Variants in CPNE1 observed in about 807,000 individuals in gnomAD.
CPNE1 encodes copine-1.
A neutral mutation model predicts 63.2 loss-of-function variants in CPNE1; 58 were observed. That is an observed-to-expected ratio of 0.92 (90% CI 0.74 to 1.14). The LOEUF (loss-of-function observed/expected upper bound fraction) is 1.14, where lower values mean the gene tolerates loss of function less well. Among genes scored for constraint, CPNE1 ranks in the 50% most tolerant of loss-of-function variants. The pLI, the probability that CPNE1 is intolerant of heterozygous loss-of-function variation, is 0.00. For missense variants in CPNE1, 672 were observed against 661.7 expected (o/e 1.02, Z -0.17); for synonymous variants, 237 against 249.0 (o/e 0.95, Z 0.45).
At position 35,627,417 on chromosome 20, in the gene CPNE1, C is replaced by A; in HGVS notation, c.1103-4G>T. 1 of 1,613,666 alleles carries A rather than the reference C, an allele frequency of 6.2e-7. No homozygotes were observed. The highest frequency in any genetic ancestry group is 8.5e-7 in the Non-Finnish European group (1 of 1,179,868). ...GCATCCACAATGCCCTGGATGCCTG[C>A]AGAGGAGAGCAAGAAATACCGTAAA... On this transcript the variant is annotated splice_region_variant and splice_polypyrimidine_tract_variant and intron_variant, in intron 13 of 15. Coordinates refer to ENST00000397443, the MANE Select transcript of CPNE1 (RefSeq NM_152925.3).
chr20:35,630,531 T>C, intron 12 of CPNE1, 41 bp from the exon 13 acceptor site: 1 of 1,606,418 alleles, frequency 6.2e-7, no homozygotes, highest in Non-Finnish European at 8.5e-7. Flanking sequence ...CCCCATGACC[T>C]CTGCTAAGAA....
intron 12 of CPNE1, 108 bp from the exon 13 acceptor site, chr20:35,630,598 A>C: frequency 6.9e-7 from 1 of 1,452,094 alleles, no homozygotes; most frequent in Non-Finnish European, 9.7e-7. Context: ...AGTCCTGAGC[A>C]CTTGCTGTCT....
chr20:35,626,623 C>G lies in CPNE1; in HGVS notation c.1417G>C (p.Gly473Arg). ...ACAATGTCGCGGGCAGCAGCCTGCCCAGAACGTGTATGCAGGGGTCCACCA... is the reference window on the plus strand; with the variant it reads ...ACAATGTCGCGGGCAGCAGCCTGCCGAGAACGTGTATGCAGGGGTCCACCA... ...ADGGPLHTRS[G>R]QAAARDIVQF... Residue 473 changes from glycine to arginine, a missense_variant, in exon 15 of 16, where the codon GGG (glycine) becomes CGG (arginine). Transcript: ENST00000397443. The G allele has an allele frequency of 6.2e-7, 1 of 1,614,180 alleles. No homozygotes were observed. Among genetic ancestry groups the G allele is most frequent in the Non-Finnish European group, 8.5e-7 (1 of 1,180,044 alleles).
At chr20:35,660,042 A>AT (rs532531461) in intron 1 of CPNE1, among the ~76,000 whole-genome samples, 115 of 152,310 alleles carry the variant, frequency 7.6e-4, no homozygotes, top group African/African-American at 2.6e-3. Context: ...AATCTGTGTG[A>AT]TTTTCTAAAG....
At chr20:35,646,826 T>C (rs2033132038) in intron 1 of CPNE1, among the ~76,000 whole-genome samples, 1 of 152,096 alleles carries the variant, frequency 6.6e-6, no homozygotes, top group Non-Finnish European at 1.5e-5. Flanking sequence ...CACAACGAAA[T>C]AGTCATCTCC....
intron 1 of CPNE1, among the ~76,000 whole-genome samples, chr20:35,658,296 A>G (rs2034022858): frequency 6.6e-6 from 1 of 152,190 alleles, no homozygotes; most frequent in Admixed American, 6.5e-5. Flanking sequence ...AAACATATCA[A>G]TAACAAGCAT....
At position 35,634,185 on chromosome 20, in the gene CPNE1, C is replaced by T. The variant is rs549758077; in HGVS notation, c.1-1262G>A. On this transcript the variant is annotated intron_variant, in intron 1 of 15. Coordinates refer to ENST00000397443, the MANE Select transcript of CPNE1 (RefSeq NM_152925.3). ...CTGAGGCAGGAGAATGGCGTGAATC[C>T]GGGAGGCAGAGCTTGCAGTGAGCCG... Among the ~76,000 whole-genome samples, 9 of 144,360 alleles carry T rather than the reference C, an allele frequency of 6.2e-5. No individual in the cohort carries two copies. In the East Asian group the frequency reaches 8.2e-4, roughly 13 times the overall value. 94.7% of individuals were successfully genotyped at this position (144,360 alleles called of 152,430 possible).
At chr20:35,650,583 T>C (rs533401528) in intron 1 of CPNE1, 3 of 152,738 alleles carry the variant, frequency 2.0e-5, no homozygotes, top group South Asian at 2.1e-4. Flanking sequence ...GCTTTTGAAA[T>C]TGAGGAGGCA....
At chr20:35,652,515 T>G (rs1367450800) in intron 1 of CPNE1, 1 of 1,600,982 alleles carries the variant, frequency 6.2e-7, no homozygotes, top group South Asian at 1.1e-5. Context: ...TAAAAAATGA[T>G]GTGAATGGCT....
chr20:35,626,953 TA>T, intron 14 of CPNE1, 150 bp from the exon 15 acceptor site: 1 of 714,024 alleles, frequency 1.4e-6, no homozygotes, highest in Non-Finnish European at 2.4e-6. Context: ...TTTGGGAGGC[TA>T]AGGCAGGCGG....
chr20:35,656,322 C>G (rs1325894376), intron 1 of CPNE1, among the ~76,000 whole-genome samples: 1 of 152,134 alleles, frequency 6.6e-6, no homozygotes, highest in African/African-American at 2.4e-5. Context: ...TCTGTGATCT[C>G]CTTAGATCAT....
rs940681251 is a variant in CPNE1, at chr20:35,655,058, G to A, written c.-1+9702C>T. 9 of 1,614,088 alleles carry A rather than the reference G, an allele frequency of 5.6e-6. No individual in the cohort carries two copies. The highest frequency in any genetic ancestry group is 2.2e-5 in the East Asian group (1 of 44,884). On this transcript the variant is annotated intron_variant, in intron 1 of 15. Coordinates refer to ENST00000397443, the MANE Select transcript of CPNE1 (RefSeq NM_152925.3). Reference sequence around the variant, plus strand: ...ATATCTAAGTTGGCAGTTTCAAAACGCCTACGACTCAGTTCAATCATATTC... The same window carrying A: ...ATATCTAAGTTGGCAGTTTCAAAACACCTACGACTCAGTTCAATCATATTC...
At chr20:35,661,572 T>C (rs2034233411) in intron 1 of CPNE1, among the ~76,000 whole-genome samples, 1 of 152,202 alleles carries the variant, frequency 6.6e-6, no homozygotes, top group East Asian at 1.9e-4. Flanking sequence ...ATTCATATTA[T>C]CAGGAATTAG....
intron 1 of CPNE1, chr20:35,654,990 T>C: frequency 6.2e-7 from 1 of 1,614,168 alleles, no homozygotes; most frequent in Non-Finnish European, 8.5e-7. Flanking sequence ...TACTCATTCC[T>C]GAGCTAGGTG....
chr20:35,656,975 T>A (rs1412896695), intron 1 of CPNE1, among the ~76,000 whole-genome samples: 1 of 152,208 alleles, frequency 6.6e-6, no homozygotes, highest in Admixed American at 6.5e-5. Flanking sequence ...AAATATTATA[T>A]AAATACTAAT....
Position 35,627,396 on chromosome 20 carries a change from C to T in CPNE1, c.1120G>A (p.Asp374Asn). 1 of 1,613,926 alleles carries T rather than the reference C, an allele frequency of 6.2e-7. No individual in the cohort carries two copies. Among genetic ancestry groups the T allele is most frequent in the Non-Finnish European group, 8.5e-7 (1 of 1,179,960 alleles). The change falls in exon 14 of 16, where the codon GAT becomes AAT. Residue 374 changes from aspartate to asparagine, a missense_variant. Physicochemically the swap from Asp to Asn is conservative, Grantham distance 23 (BLOSUM62 1). Transcript: ENST00000397443. ...TGGGGCAGGGCTTGGCGGTAGGCAT[C>T]CACAATGCCCTGGATGCCTGCAGAG... ...PYCAGIQGIVDAYRQALPQVR... is the reference protein window; with the variant it reads ...PYCAGIQGIVNAYRQALPQVR...
At chr20:35,644,473 A>T (rs2032998227) in intron 1 of CPNE1, among the ~76,000 whole-genome samples, 2 of 152,228 alleles carry the variant, frequency 1.3e-5, no homozygotes, top group South Asian at 2.1e-4. Flanking sequence ...GTCCAAACTC[A>T]GTACAGATTT....
At chr20:35,652,748 T>C in intron 1 of CPNE1, 1 of 1,613,582 alleles carries the variant, frequency 6.2e-7, no homozygotes, top group Non-Finnish European at 8.5e-7. Context: ...TTTTGCACTT[T>C]AATTACTGTC....
chr20:35,630,213 G>A (rs769285133), intron 13 of CPNE1, among the ~76,000 whole-genome samples: 27 of 152,208 alleles, frequency 1.8e-4, no homozygotes, highest in Non-Finnish European at 3.4e-4. Flanking sequence ...AGAATTGCTC[G>A]AACCCAGTAG....
Sources: allele counts gnomAD v4.1 joint callset (sites outside exome capture counted in the v4.1 genomes callset), GRCh38; gene constraint gnomAD v4.1.1; transcripts MANE v1.5; gene names NCBI Gene and HGNC (gene_info 2026-07-23, HGNC 2026-07-21).